GAREM1: variants seen among roughly 807,000 people sequenced by gnomAD.
GAREM1 encodes the protein GRB2-associated and regulator of MAPK protein 1.
In GAREM1, 26 loss-of-function variants were observed where a neutral mutation model predicts 71.3. The observed-to-expected ratio is 0.36, with a 90% confidence interval of 0.27 to 0.51. GAREM1 has a LOEUF of 0.51. GAREM1 is among the 20% of genes least tolerant of loss of function. The pLI is 0.95. For missense variants in GAREM1, 1,026 were observed against 1,103.1 expected (o/e 0.93, Z 0.99); for synonymous variants, 440 against 433.2 (o/e 1.02, Z -0.20).
At chr18:32,333,129 G>A (rs113478781) in intron 2 of GAREM1, among the ~76,000 whole-genome samples, 90 of 151,844 alleles carry the variant, frequency 5.9e-4, no homozygotes, top group Non-Finnish European at 1.2e-3. Context: ...AAGCCAGGAG[G>A]GTTAGGTTTT....
At chr18:32,336,496 C>T (rs1365156294) in intron 2 of GAREM1, among the ~76,000 whole-genome samples, 1 of 151,538 alleles carries the variant, frequency 6.6e-6, no homozygotes, top group African/African-American at 2.4e-5. Context: ...CCAGCAAATA[C>T]TGGTGCTCTA....
chr18:32,418,099 T>C (rs989425818), intron 1 of GAREM1, among the ~76,000 whole-genome samples: 3 of 152,144 alleles, frequency 2.0e-5, no homozygotes, highest in Non-Finnish European at 4.4e-5. Flanking sequence ...TTTTCTTCCA[T>C]CTCATATTTT....
intron 1 of GAREM1, among the ~76,000 whole-genome samples, chr18:32,451,958 C>T (rs922900105): frequency 1.1e-4 from 17 of 152,236 alleles, no homozygotes; most frequent in African/African-American, 3.4e-4. Flanking sequence ...ATACTGAAAT[C>T]GGTGACAAAA....
chr18:32,333,127 A>G (rs952936095), intron 2 of GAREM1, among the ~76,000 whole-genome samples: 1 of 151,230 alleles, frequency 6.6e-6, no homozygotes, highest in Non-Finnish European at 1.5e-5. Flanking sequence ...GGAAGCCAGG[A>G]GGGTTAGGTT....
chr18:32,286,945 G>T, intron 4 of GAREM1, 86 bp downstream of exon 4: 1 of 958,954 alleles, frequency 1.0e-6, no homozygotes, highest in South Asian at 1.6e-5. Context: ...ATCTTCAGTT[G>T]GGGAGTTTTA....
At chr18:32,295,661 T>C (rs1388305967) in intron 3 of GAREM1, among the ~76,000 whole-genome samples, 2 of 152,226 alleles carry the variant, frequency 1.3e-5, no homozygotes, top group East Asian at 3.8e-4. Flanking sequence ...AACAAGTAAT[T>C]TGTCAATCAA....
At chr18:32,364,030 T>G (rs12954853) in intron 2 of GAREM1, among the ~76,000 whole-genome samples, 5 of 24,960 alleles carry the variant, frequency 2.0e-4, no homozygotes, top group African/African-American at 5.4e-4. Flanking sequence ...ATATATATGT[T>G]TTTTTTTTTT....
chr18:32,303,615 G>A (rs559438364), intron 3 of GAREM1, among the ~76,000 whole-genome samples: 1 of 152,298 alleles, frequency 6.6e-6, no homozygotes, highest in Admixed American at 6.5e-5. Flanking sequence ...TGGGTAGGAA[G>A]TATTACATAA....
intron 4 of GAREM1, among the ~76,000 whole-genome samples, chr18:32,274,776 A>G (rs964072618): frequency 6.6e-6 from 1 of 151,270 alleles, no homozygotes; most frequent in Non-Finnish European, 1.5e-5. Context: ...CACATTACAC[A>G]CTCTGTGTGC....
chr18:32,452,312 T>A (rs73954814), intron 1 of GAREM1, among the ~76,000 whole-genome samples: 20,918 of 152,120 alleles, frequency 0.14, 1,790 homozygotes, highest in East Asian at 0.39. Context: ...AGGGAAGGGA[T>A]GTTAAGAGCC....
intron 4 of GAREM1, among the ~76,000 whole-genome samples, chr18:32,273,714 TGA>T (rs1487893229): frequency 1.3e-5 from 2 of 150,884 alleles, no homozygotes; most frequent in East Asian, 1.9e-4. Flanking sequence ...TGTGTGTGTG[TGA>T]GAGAGAGAGA....
intron 2 of GAREM1, among the ~76,000 whole-genome samples, chr18:32,315,631 T>C (rs923522910): frequency 7.9e-5 from 12 of 151,880 alleles, no homozygotes; most frequent in African/African-American, 2.9e-4. Flanking sequence ...ACATTTCAAA[T>C]GCTCAACAGC....
At chr18:32,312,945 T>C (rs2047338262) in intron 2 of GAREM1, among the ~76,000 whole-genome samples, 1 of 152,210 alleles carries the variant, frequency 6.6e-6, no homozygotes, top group South Asian at 2.1e-4. Context: ...AGAATAAGGT[T>C]GAGAGAGGAG....
At chr18:32,418,343 T>A (rs749412626) in intron 1 of GAREM1, among the ~76,000 whole-genome samples, 12 of 152,110 alleles carry the variant, frequency 7.9e-5, no homozygotes, top group Non-Finnish European at 1.5e-4. Context: ...AGTCAACGGC[T>A]CCTGGTTGCT....
chr18:32,363,827 G>A (rs1325844087), intron 2 of GAREM1, among the ~76,000 whole-genome samples: 1 of 150,470 alleles, frequency 6.6e-6, no homozygotes. Context: ...AATGTCACAG[G>A]AGAAAACCTT....
chr18:32,316,285 G>A (rs1448401535), intron 2 of GAREM1, among the ~76,000 whole-genome samples: 4 of 152,050 alleles, frequency 2.6e-5, no homozygotes, highest in Admixed American at 6.6e-5. Flanking sequence ...CCTTTCATTC[G>A]TTCTTTCAAT....
intron 1 of GAREM1, among the ~76,000 whole-genome samples, chr18:32,436,211 T>C (rs1252088670): frequency 6.6e-6 from 1 of 152,144 alleles, no homozygotes; most frequent in African/African-American, 2.4e-5. Context: ...CTCACAAGAA[T>C]TTCAGAGTTG....
At chr18:32,379,963 C>T (rs148527554) in intron 2 of GAREM1, among the ~76,000 whole-genome samples, 20 of 152,226 alleles carry the variant, frequency 1.3e-4, no homozygotes, top group Middle Eastern at 3.4e-3. Flanking sequence ...CTTACAGATA[C>T]ACCCTTTTTT....
chr18:32,363,053 C>T (rs73958403), intron 2 of GAREM1, among the ~76,000 whole-genome samples: 15,739 of 152,050 alleles, frequency 0.1, 1,452 homozygotes, highest in African/African-American at 0.25. Context: ...AGTATTCAGC[C>T]ATGGCAATAA....
Sources: allele counts gnomAD v4.1 joint callset (sites outside exome capture counted in the v4.1 genomes callset), GRCh38; gene constraint gnomAD v4.1.1; transcripts MANE v1.5; gene names NCBI Gene and HGNC (gene_info 2026-07-23, HGNC 2026-07-21).